Variants in BLTP1 observed in about 807,000 individuals in gnomAD.
The protein encoded by BLTP1 is bridge-like lipid transfer protein family member 1, also known as fragile site-associated protein.
At chr4:122,344,713 T>C in the BLTP1 span, 1 of 1,227,952 alleles carries the variant, frequency 8.1e-7, no homozygotes, top group Non-Finnish European at 1.1e-6. Flanking sequence ...CCTACGGTAC[T>C]GTGTCAATCC....
the BLTP1 span, among the ~76,000 whole-genome samples, chr4:122,208,892 C>T: frequency 2.0e-5 from 3 of 147,818 alleles, no homozygotes; most frequent in Admixed American, 1.4e-4. Context: ...AAACAAAAAA[C>T]AGCACATTCC....
chr4:122,159,873 T>C, the BLTP1 span, among the ~76,000 whole-genome samples: 1 of 152,224 alleles, frequency 6.6e-6, no homozygotes, highest in Non-Finnish European at 1.5e-5. Flanking sequence ...TTGAATGTTA[T>C]TTTACCACAT....
chr4:122,297,184 C>A, the BLTP1 span, among the ~76,000 whole-genome samples: 1 of 151,962 alleles, frequency 6.6e-6, no homozygotes, highest in South Asian at 2.1e-4. Context: ...GATGTAATAT[C>A]CAGAGTCTAC....
the BLTP1 span, among the ~76,000 whole-genome samples, chr4:122,184,174 G>A: frequency 6.6e-6 from 1 of 152,028 alleles, no homozygotes; most frequent in Admixed American, 6.5e-5. Flanking sequence ...TGAAATCAAA[G>A]GCAGAAATAT....
At chr4:122,344,504 A>G in the BLTP1 span, 1 of 1,613,998 alleles carries the variant, frequency 6.2e-7, no homozygotes, top group Middle Eastern at 1.7e-4. Context: ...ATTTTTTGAA[A>G]GTCAGTCTGT....
At chr4:122,318,063 A>T in the BLTP1 span, 1 of 1,382,474 alleles carries the variant, frequency 7.2e-7, no homozygotes, top group Middle Eastern at 1.9e-4. Context: ...TGGTATTCTG[A>T]CAAGAATTAA....
chr4:122,334,218 A>G, the BLTP1 span: 1 of 908,504 alleles, frequency 1.1e-6, no homozygotes, highest in Non-Finnish European at 1.6e-6. Flanking sequence ...AGGATCACAA[A>G]GCTAACTTTT....
chr4:122,319,363 T>C, the BLTP1 span, among the ~76,000 whole-genome samples: 2 of 152,136 alleles, frequency 1.3e-5, no homozygotes, highest in African/African-American at 4.8e-5. Flanking sequence ...TAAATTATCC[T>C]CTAAGCACTG....
At chr4:122,349,353 A>C in the BLTP1 span, 3 of 1,591,836 alleles carry the variant, frequency 1.9e-6, no homozygotes, top group South Asian at 3.4e-5. The surrounding 1 kb of genome is among the most constrained non-coding windows in gnomAD (Gnocchi z 4.5). Flanking sequence ...ACATATCCTT[A>C]AGATATATAT....
At chr4:122,184,972 G>A in the BLTP1 span, 2 of 984,200 alleles carry the variant, frequency 2.0e-6, no homozygotes, top group South Asian at 4.7e-5. Context: ...TCTTCATCAG[G>A]GAAGAGTATA....
the BLTP1 span, among the ~76,000 whole-genome samples, chr4:122,297,487 A>G: frequency 2.6e-5 from 4 of 152,196 alleles, no homozygotes; most frequent in Admixed American, 1.3e-4. Flanking sequence ...ATTGTAGAAG[A>G]CAGTGTTGGG....
chr4:122,361,950 T>A, the BLTP1 span: 2 of 1,508,068 alleles, frequency 1.3e-6, no homozygotes, highest in Non-Finnish European at 8.9e-7. Context: ...TTATAGAGGC[T>A]TAGTGATGTT....
chr4:122,286,482 G>A, the BLTP1 span: 3 of 1,590,932 alleles, frequency 1.9e-6, no homozygotes, highest in Non-Finnish European at 2.6e-6. Context: ...TGGAAAAAGT[G>A]AGGAATGAAT....
chr4:122,339,633 T>TA, the BLTP1 span, among the ~76,000 whole-genome samples: 1 of 152,170 alleles, frequency 6.6e-6, no homozygotes, highest in Admixed American at 6.6e-5. Flanking sequence ...GAATGGCAAT[T>TA]AGACAGCATT....
At chr4:122,324,579 G>T in the BLTP1 span, 2 of 1,513,204 alleles carry the variant, frequency 1.3e-6, no homozygotes, top group South Asian at 2.5e-5. Context: ...TAAAATTGTT[G>T]ACTCTTTTAC....
At chr4:122,361,348 G>C in the BLTP1 span, among the ~76,000 whole-genome samples, 1 of 152,160 alleles carries the variant, frequency 6.6e-6, no homozygotes. Flanking sequence ...GATGGGGGTT[G>C]CTGGAGTTGT....
At chr4:122,342,891 TTA>T in the BLTP1 span, among the ~76,000 whole-genome samples, 1 of 152,214 alleles carries the variant, frequency 6.6e-6, no homozygotes, top group African/African-American at 2.4e-5. Flanking sequence ...CTCATATTTT[TTA>T]TGTTTTTGGA....
At chr4:122,301,162 A>G in the BLTP1 span, 1 of 1,139,966 alleles carries the variant, frequency 8.8e-7, no homozygotes, top group Non-Finnish European at 1.2e-6. Flanking sequence ...TGTCTCAGTT[A>G]AATGTAACTT....
chr4:122,289,254 A>G, the BLTP1 span: 2 of 1,138,582 alleles, frequency 1.8e-6, no homozygotes, highest in African/African-American at 1.6e-5. Flanking sequence ...AGCGTGTGAT[A>G]TCCCATATAT....
Sources: gnomAD v4.1 joint callset for allele counts (sites outside exome capture counted in the v4.1 genomes callset) on GRCh38, gnomAD v4.1.1 for gene constraint, Gnocchi (gnomAD v3.1) non-coding constraint, MANE v1.5 for transcripts, NCBI Gene and HGNC (gene_info 2026-07-23, HGNC 2026-07-21) for gene names.